The following ROR2 variants were observed in gnomAD, a reference collection of about 807,000 sequenced individuals.
ROR2 encodes the protein ROR family WNT receptor 2, also known as tyrosine-protein kinase transmembrane receptor ROR2.
ROR2 carries 33 observed loss-of-function variants against 74.9 expected under a neutral mutation model. The ratio of observed to expected loss-of-function variants is 0.44; its 90% CI spans 0.33 to 0.59. The LOEUF (loss-of-function observed/expected upper bound fraction) is 0.59, where lower values mean the gene tolerates loss of function less well. Among genes scored for constraint, ROR2 ranks in the 20% least tolerant of loss-of-function variants. ROR2 has a pLI of 0.02. For missense variants in ROR2, 1,216 were observed against 1,313.8 expected, an observed-to-expected ratio of 0.93 and a Z score of 1.15; for synonymous variants, 586 against 558.7, an observed-to-expected ratio of 1.05 and a Z score of -0.69.
chr9:91,738,333 A>C (rs759045175), intron 4 of ROR2, among the ~76,000 whole-genome samples: 6 of 152,186 alleles, frequency 3.9e-5, no homozygotes, highest in Non-Finnish European at 7.3e-5. Flanking sequence ...AAAAAATTCC[A>C]CATCTTTAAG....
intron 1 of ROR2, among the ~76,000 whole-genome samples, chr9:91,909,273 T>G (rs2119441957): frequency 6.6e-6 from 1 of 152,292 alleles, no homozygotes; most frequent in East Asian, 1.9e-4. Flanking sequence ...CATCCTCTTC[T>G]TATTGGAAAG....
chr9:91,794,404 G>A (rs898001896), intron 1 of ROR2, among the ~76,000 whole-genome samples: 1 of 152,198 alleles, frequency 6.6e-6, no homozygotes, highest in African/African-American at 2.4e-5. Flanking sequence ...AGACTCACCA[G>A]TAAGTAAAGC....
At chr9:91,899,052 C>T (rs756395193) in intron 1 of ROR2, among the ~76,000 whole-genome samples, 2 of 152,208 alleles carry the variant, frequency 1.3e-5, no homozygotes, top group South Asian at 4.1e-4. Flanking sequence ...CGCTTCAGCA[C>T]GTGTGTCAGG....
chr9:91,871,804 C>T (rs1829806647), intron 1 of ROR2, among the ~76,000 whole-genome samples: 1 of 152,178 alleles, frequency 6.6e-6, no homozygotes, highest in African/African-American at 2.4e-5. Flanking sequence ...GCCAAGCCAC[C>T]TGGAGAGGCC....
intron 1 of ROR2, among the ~76,000 whole-genome samples, chr9:91,850,681 CTAAG>C (rs200336359): frequency 0.014 from 2,140 of 152,306 alleles, 13 homozygotes; most frequent in Non-Finnish European, 0.023. Context: ...TTTTAAGCAA[CTAAG>C]TGTGTATTGG....
intron 7 of ROR2, among the ~76,000 whole-genome samples, chr9:91,730,605 C>A (rs898335545): frequency 1.3e-5 from 2 of 152,072 alleles, no homozygotes; most frequent in Non-Finnish European, 2.9e-5. Flanking sequence ...GGATTACAGG[C>A]ATGTGCCACC....
chr9:91,779,494 C>T (rs1334009574), intron 1 of ROR2, among the ~76,000 whole-genome samples: 1 of 151,842 alleles, frequency 6.6e-6, no homozygotes, highest in African/African-American at 2.4e-5. Flanking sequence ...CCTCCGCCTC[C>T]CAAGTAGCTA....
intron 2 of ROR2, among the ~76,000 whole-genome samples, chr9:91,774,533 G>T (rs35725000): frequency 0.081 from 12,355 of 152,148 alleles, 657 homozygotes; most frequent in Middle Eastern, 0.14. Flanking sequence ...ACCGGGATTC[G>T]GTCTAGGTCC....
chr9:91,773,422 G>A (rs923647458), intron 2 of ROR2, among the ~76,000 whole-genome samples: 5 of 151,906 alleles, frequency 3.3e-5, no homozygotes, highest in African/African-American at 7.3e-5. Context: ...GACACCAGAC[G>A]CCCTCAACAA....
chr9:91,728,576 G>A (rs563713747), intron 7 of ROR2, among the ~76,000 whole-genome samples: 8 of 152,112 alleles, frequency 5.3e-5, no homozygotes, highest in African/African-American at 1.9e-4. Context: ...GATTACAGGC[G>A]CCCGCCACCA....
At chr9:91,839,281 T>TGTGTGTGTGTAAGTACAGGC (rs1563991909) in intron 1 of ROR2, among the ~76,000 whole-genome samples, 6 of 148,188 alleles carry the variant, frequency 4.0e-5, no homozygotes, top group African/African-American at 1.5e-4. Context: ...TGTGTGTGTG[T>TGTGTGTGTGTAAGTACAGGC]GTGTGTGTGT....
chr9:91,728,138 C>G (rs1019687965), intron 7 of ROR2, among the ~76,000 whole-genome samples: 1 of 152,184 alleles, frequency 6.6e-6, no homozygotes, highest in African/African-American at 2.4e-5. Flanking sequence ...GACACCATCA[C>G]CTGCTTTTAT....
At chr9:91,845,417 C>T (rs1828897323) in intron 1 of ROR2, among the ~76,000 whole-genome samples, 1 of 152,130 alleles carries the variant, frequency 6.6e-6, no homozygotes, top group African/African-American at 2.4e-5. Context: ...TACCAGCGCA[C>T]CATCCCATCT....
At chr9:91,764,501 T>C (rs976807314) in intron 2 of ROR2, among the ~76,000 whole-genome samples, 3 of 151,856 alleles carry the variant, frequency 2.0e-5, no homozygotes, top group Non-Finnish European at 4.4e-5. Context: ...TAGGCTTACC[T>C]AATTTAGCAA....
At chr9:91,921,378 A>G in intron 1 of ROR2, among the ~76,000 whole-genome samples, 1 of 152,238 alleles carries the variant, frequency 6.6e-6, no homozygotes, top group East Asian at 1.9e-4. Context: ...ACGTATACAC[A>G]CACTTACATA....
chr9:91,729,617 G>A (rs1014919666), intron 7 of ROR2, among the ~76,000 whole-genome samples: 11 of 152,270 alleles, frequency 7.2e-5, no homozygotes, highest in African/African-American at 1.9e-4. Context: ...TCGCTTCACC[G>A]GCTGCTCTCT....
chr9:91,937,444 A>C lies in ROR2; in HGVS notation c.97+12423T>G, dbSNP rs549737561. On this transcript the variant is annotated intron_variant, in intron 1 of 8. Transcript: ENST00000375708. Reference sequence around the variant, plus strand: ...CACAGGACGCCCCCCAGACCCAGAGATCCAGACGCCCCAGGGGTCTAGATG... The same window carrying C: ...CACAGGACGCCCCCCAGACCCAGAGCTCCAGACGCCCCAGGGGTCTAGATG... 3.9e-5 allele frequency among the ~76,000 whole-genome samples: 6 copies of C among 152,078 alleles called. No individual in the cohort carries two copies. The South Asian group carries it at 1.3e-3, about 32-fold the overall frequency.
intron 5 of ROR2, among the ~76,000 whole-genome samples, chr9:91,734,730 T>C (rs1934825360): frequency 6.6e-6 from 1 of 152,084 alleles, no homozygotes; most frequent in African/African-American, 2.4e-5. Context: ...GGAATGAGAG[T>C]GCACACAGAG....
Position 91,876,595 on chromosome 9 carries a change from T to C in ROR2, c.97+73272A>G, listed in dbSNP as rs143375856. On this transcript the variant is annotated intron_variant, in intron 1 of 8. Coordinates refer to ENST00000375708, the MANE Select transcript of ROR2 (RefSeq NM_004560.4). Reference sequence around the variant, plus strand: ...CCAATATGAAACAGAGGTGCCAAGATAAGAAAACAAATCACTCCAGAGGAA... The same window carrying C: ...CCAATATGAAACAGAGGTGCCAAGACAAGAAAACAAATCACTCCAGAGGAA... 2.0e-3 allele frequency among the ~76,000 whole-genome samples: 306 copies of C among 151,894 alleles called. 1 individual carries two copies. Among genetic ancestry groups the C allele is most frequent in the African/African-American group, 7.1e-3 (293 of 41,394 alleles).
Sources: allele counts gnomAD v4.1 joint callset (sites outside exome capture counted in the v4.1 genomes callset), GRCh38; gene constraint gnomAD v4.1.1; transcripts MANE v1.5; gene names NCBI Gene and HGNC (gene_info 2026-07-23, HGNC 2026-07-21).